The following GPX7 variants were observed in gnomAD, a reference collection of about 807,000 sequenced individuals.
GPX7 encodes the protein protein peroxidase GPX7.
GPX7 carries 21 observed loss-of-function variants against 23.7 expected under a neutral mutation model. That is an observed-to-expected ratio of 0.89 (90% CI 0.63 to 1.28). GPX7 has a LOEUF of 1.28. GPX7 is among the 50% of genes most tolerant of loss of function. The pLI is 0.00. For missense variants in GPX7, 238 were observed against 237.3 expected, an observed-to-expected ratio of 1.00 and a Z score of -0.02; for synonymous variants, 112 against 101.8, an observed-to-expected ratio of 1.10 and a Z score of -0.61.
At position 52,608,612 on chromosome 1, in the gene GPX7, A is replaced by G. The variant is rs950121294; in HGVS notation, c.*187A>G. Reference sequence around the variant, plus strand: ...TGATTATTTGAATCTTACAGCAACAAATAGGAACTCCTGGCCAATGAGAGC... The same window carrying G: ...TGATTATTTGAATCTTACAGCAACAGATAGGAACTCCTGGCCAATGAGAGC... On this transcript the variant is annotated 3_prime_UTR_variant, in exon 3 of 3. Transcript: ENST00000361314. 2.2e-5 allele frequency: 9 copies of G among 408,578 alleles called. No individual in the cohort carries two copies. The highest frequency in any genetic ancestry group is 1.6e-4 in the African/African-American group (8 of 48,936). The allele number at this position is 408,578 out of a possible 1,614,324, so 25.3% of individuals were successfully genotyped here.
chr1:52,608,354 G>A lies in GPX7; in HGVS notation c.493G>A (p.Val165Met). 1 of 1,614,158 alleles carries A rather than the reference G, an allele frequency of 6.2e-7. No homozygotes were observed. Among genetic ancestry groups the A allele is most frequent in the Non-Finnish European group, 8.5e-7 (1 of 1,180,018 alleles). Reference protein sequence around the residue: ...VVGAWDPTVSVEEVRPQITAL... With the variant: ...VVGAWDPTVSMEEVRPQITAL... ...AGGGGCTTGGGACCCAACTGTGTCA[G>A]TGGAGGAGGTCAGACCCCAGATCAC... The change falls in exon 3 of 3, where the codon GTG (valine) becomes ATG (methionine). Residue 165 changes from valine to methionine, a missense_variant. By Grantham distance (21) the Val-to-Met change is conservative. Transcript: ENST00000361314.
At position 52,606,759 on chromosome 1, in the gene GPX7, C is replaced by T. The variant is rs762971847; in HGVS notation, c.214C>T (p.Arg72Ter). 14 of 1,614,054 alleles carry T rather than the reference C, an allele frequency of 8.7e-6. No individual in the cohort carries two copies. The highest frequency in any genetic ancestry group is 5.3e-5 in the African/African-American group (4 of 74,916). Residue 72 changes from arginine (R) to a stop codon, truncating the protein, a stop_gained, in exon 2 of 3, where the codon CGA (arginine) becomes TGA (stop). Coordinates refer to ENST00000361314, the MANE Select transcript of GPX7 (RefSeq NM_015696.5). LOFTEE classifies it high-confidence loss of function. ...CTACCGAGCCCTGCAGCAGCTGCAG[C>T]GAGACCTGGGCCCCCACCACTTTAA... ...QHYRALQQLQ[R>*]DLGPHHFNVL...
intron 1 of GPX7, among the ~76,000 whole-genome samples, chr1:52,605,347 G>A (rs779063204): frequency 6.6e-6 from 1 of 152,076 alleles, no homozygotes; most frequent in African/African-American, 2.4e-5. Flanking sequence ...GGGCACAATT[G>A]GCAATGTCTG....
Position 52,602,538 on chromosome 1 carries a change from CCG to C in GPX7, c.132_133del (p.Gly45IlefsTer35). The C allele has an allele frequency of 9.6e-6, 15 of 1,559,370 alleles. 1 individual carries two copies. Among genetic ancestry groups the C allele is most frequent in the African/African-American group, 8.5e-5 (6 of 70,316 alleles). On this transcript the variant is annotated frameshift_variant, in exon 1 of 3. Coordinates refer to ENST00000361314, the MANE Select transcript of GPX7 (RefSeq NM_015696.5). LOFTEE classifies it high-confidence loss of function. ...RGKLVSLEKYRGSVSLVVNVA... is the reference protein window; with the variant it reads ...RGKLVSLEKYXGSVSLVVNVA... ...GCAAACTGGTGTCGCTGGAGAAGTA[CCG>C]CGGATCGGTGAGTGCGCGGGGTCTG...
At chr1:52,606,277 C>G (rs35947490) in intron 1 of GPX7, among the ~76,000 whole-genome samples, 2 of 152,134 alleles carry the variant, frequency 1.3e-5, no homozygotes, top group African/African-American at 4.8e-5. Context: ...CTTTGTACCC[C>G]CTCTTATCAG....
chr1:52,602,540 G>T lies in GPX7; in HGVS notation c.131G>T (p.Arg44Leu). The T allele has an allele frequency of 6.4e-7, 1 of 1,558,412 alleles. No homozygotes were observed. Among genetic ancestry groups the T allele is most frequent in the Non-Finnish European group, 8.6e-7 (1 of 1,156,574 alleles). ...RGKLVSLEKYRGSVSLVVNVA... is the reference protein window; with the variant it reads ...RGKLVSLEKYLGSVSLVVNVA... ...AAACTGGTGTCGCTGGAGAAGTACC[G>T]CGGATCGGTGAGTGCGCGGGGTCTG... Residue 44 changes from arginine (R) to leucine (L), a missense_variant, in exon 1 of 3, where the codon CGC becomes CTC. Physicochemically the swap from Arg to Leu is moderately radical, Grantham distance 102. Transcript: ENST00000361314.
chr1:52,603,940 G>T (rs1218434762), intron 1 of GPX7, among the ~76,000 whole-genome samples: 1 of 152,178 alleles, frequency 6.6e-6, no homozygotes, highest in Non-Finnish European at 1.5e-5. Context: ...TCACCAGAGA[G>T]CCCCAGGTTT....
Position 52,606,667 on chromosome 1 carries a change from T to C in GPX7, c.139-17T>C, listed in dbSNP as rs771791896. 1 of 1,608,560 alleles carries C rather than the reference T, an allele frequency of 6.2e-7. No individual in the cohort carries two copies. The highest frequency in any genetic ancestry group is 1.1e-5 in the South Asian group (1 of 91,002). On this transcript the variant is annotated splice_polypyrimidine_tract_variant and intron_variant, in intron 1 of 2. Transcript: ENST00000361314. ...TGGCTTGTCTGGGCTTTGTTTTGTT[T>C]TGTTTCTGTCATACAGGTGTCCCTG... is the stretch of plus-strand genomic sequence containing the variant.
At chr1:52,606,633 C>A in intron 1 of GPX7, 51 bp from the exon 2 acceptor site, 1 of 1,588,242 alleles carries the variant, frequency 6.3e-7, no homozygotes. Flanking sequence ...CAGGTTCATG[C>A]CTCTTCACTG....
In GPX7 at chr1:52,608,505, AG is replaced by A. The variant is rs1571661659; in HGVS notation, c.*83del. The A allele has an allele frequency of 7.9e-7, 1 of 1,267,336 alleles. No individual in the cohort carries two copies. 78.5% of individuals were successfully genotyped at this position (1,267,336 alleles called of 1,614,324 possible). A position where few individuals can be genotyped will look rare whatever the true frequency, so the allele number is the denominator to read the frequency against. ...AATGCAAACTCAAATGGTGCTTCAA[AG>A]GGAGAGACCCACTGACTCTCCTTCC... On this transcript the variant is annotated 3_prime_UTR_variant, in exon 3 of 3. Coordinates refer to ENST00000361314, the MANE Select transcript of GPX7 (RefSeq NM_015696.5).
chr1:52,603,357 G>A (rs1290581045), intron 1 of GPX7, among the ~76,000 whole-genome samples: 2 of 151,760 alleles, frequency 1.3e-5, no homozygotes, highest in African/African-American at 4.8e-5. Flanking sequence ...AGAAGGGGGT[G>A]GGGGGGCGCG....
intron 1 of GPX7, among the ~76,000 whole-genome samples, chr1:52,603,755 C>T (rs773978737): frequency 6.6e-6 from 1 of 152,200 alleles, no homozygotes; most frequent in East Asian, 1.9e-4. Context: ...CTTGATTGTC[C>T]CCCAGAGTGT....
chr1:52,604,438 C>T (rs776659003), intron 1 of GPX7, among the ~76,000 whole-genome samples: 9 of 152,220 alleles, frequency 5.9e-5, no homozygotes, highest in African/African-American at 1.2e-4. Flanking sequence ...GCAAGATTGA[C>T]ATGGTTGATG....
intron 1 of GPX7, among the ~76,000 whole-genome samples, chr1:52,606,443 G>A: frequency 6.6e-6 from 1 of 152,184 alleles, no homozygotes; most frequent in East Asian, 1.9e-4. Context: ...TCATGTATGT[G>A]TGCACACATC....
intron 1 of GPX7, among the ~76,000 whole-genome samples, chr1:52,605,068 A>C (rs34180910): frequency 2.7e-4 from 40 of 150,024 alleles, no homozygotes; most frequent in Admixed American, 2.5e-3. Flanking sequence ...AAAAAAAAAA[A>C]AGCTTTAATG....
In GPX7 at chr1:52,602,394, A is replaced by G; in HGVS notation, c.-16A>G. ...CCGTCTTTGCCCTCGCGACGCCGCC[A>G]CCTCCGGAACAAGCCATGGTGGCGG... is the stretch of plus-strand genomic sequence containing the variant. On this transcript the variant is annotated 5_prime_UTR_variant, in exon 1 of 3. Coordinates refer to ENST00000361314, the MANE Select transcript of GPX7 (RefSeq NM_015696.5). 1 of 1,372,524 alleles carries G rather than the reference A, an allele frequency of 7.3e-7. No homozygotes were observed. The highest frequency in any genetic ancestry group is 9.5e-7 in the Non-Finnish European group (1 of 1,052,074). 85.0% of individuals were successfully genotyped at this position (1,372,524 alleles called of 1,614,324 possible).
intron 1 of GPX7, among the ~76,000 whole-genome samples, chr1:52,605,042 CT>C (rs1187108803): frequency 3.6e-5 from 2 of 54,880 alleles, no homozygotes; most frequent in East Asian, 4.6e-4. Flanking sequence ...AAGACTCTGT[CT>C]TTAAAAAAAA....
At position 52,608,396 on chromosome 1, in the gene GPX7, C is replaced by G; in HGVS notation, c.535C>G (p.Leu179Val). The G allele has an allele frequency of 1.9e-6, 3 of 1,613,128 alleles. No homozygotes were observed. Among genetic ancestry groups the G allele is most frequent in the African/African-American group, 2.7e-5 (2 of 74,960 alleles). Reference protein sequence around the residue: ...RPQITALVRKLILLKREDL With the variant: ...RPQITALVRKVILLKREDL ...CCAGATCACAGCGCTCGTGAGGAAG[C>G]TCATCCTACTGAAGCGAGAAGACTT... Residue 179 changes from leucine (L) to valine (V), a missense_variant, in exon 3 of 3, where the codon CTC (leucine) becomes GTC (valine). Transcript: ENST00000361314.
intron 1 of GPX7, among the ~76,000 whole-genome samples, chr1:52,602,974 T>C (rs567878227): frequency 2.0e-4 from 30 of 152,072 alleles, no homozygotes; most frequent in Admixed American, 6.5e-4. Context: ...AGTGGCTGAT[T>C]CGGAGTCCAG....
Sources: allele counts gnomAD v4.1 joint callset (sites outside exome capture counted in the v4.1 genomes callset), GRCh38; gene constraint gnomAD v4.1.1; transcripts MANE v1.5; gene names NCBI Gene and HGNC (gene_info 2026-07-23, HGNC 2026-07-21).